The following RBMS3 variants were observed in gnomAD, a reference collection of about 807,000 sequenced individuals.
RBMS3 encodes the protein RNA-binding motif, single-stranded-interacting protein 3.
Under a neutral mutation model 66.8 loss-of-function variants are expected in RBMS3, and 27 were observed. That is an observed-to-expected ratio of 0.40 (90% CI 0.30 to 0.56). The LOEUF (loss-of-function observed/expected upper bound fraction) is 0.56. Among genes scored for constraint, RBMS3 ranks in the 20% least tolerant of loss-of-function variants. RBMS3 has a pLI of 0.40. For synonymous variants in RBMS3, 188 were observed against 183.0 expected, an observed-to-expected ratio of 1.03 and a Z score of -0.22; for missense variants, 513 against 549.5, an observed-to-expected ratio of 0.93 and a Z score of 0.66.
chr3:29,911,996 T>C (rs1489835573), intron 10 of RBMS3, among the ~76,000 whole-genome samples: 1 of 151,846 alleles, frequency 6.6e-6, no homozygotes, highest in African/African-American at 2.4e-5. Context: ...GATAGATAGA[T>C]AGATAGATAA....
chr3:29,394,782 C>G (rs1012748413), intron 1 of RBMS3, among the ~76,000 whole-genome samples: 1 of 152,168 alleles, frequency 6.6e-6, no homozygotes, highest in Admixed American at 6.6e-5. Flanking sequence ...AGGCACCCCC[C>G]TGTCTTTGAT....
intron 2 of RBMS3, among the ~76,000 whole-genome samples, chr3:29,448,098 A>AACACAGAACAATGTC (rs767543231): frequency 5.8e-4 from 89 of 152,368 alleles, no homozygotes; most frequent in East Asian, 2.9e-3. Flanking sequence ...GGTGACCTGC[A>AACACAGAACAATGTC]TGTCTCAACA....
In RBMS3 at chr3:29,331,027, C is replaced by G. The variant is rs544557977; in HGVS notation, c.75+49271C>G. Among the ~76,000 whole-genome samples, 4 of 152,226 alleles carry G rather than the reference C, an allele frequency of 2.6e-5. No homozygotes were observed. The East Asian group carries it at 7.7e-4, about 29-fold the overall frequency. On this transcript the variant is annotated intron_variant, in intron 1 of 14. Coordinates refer to ENST00000383767, the MANE Select transcript of RBMS3 (RefSeq NM_001003793.3). ...TAGGGGCTATGTTGGCATATTTGTG[C>G]TGGTGCTGGGACAAGAGCATTGGCT...
At chr3:29,833,211 TG>T (rs747735170) in intron 6 of RBMS3, among the ~76,000 whole-genome samples, 28 of 152,278 alleles carry the variant, frequency 1.8e-4, no homozygotes, top group Non-Finnish European at 3.8e-4. Flanking sequence ...AGGAGATAAC[TG>T]CTTCTTCAAA....
At chr3:29,342,698 T>C (rs969065777) in intron 1 of RBMS3, among the ~76,000 whole-genome samples, 1 of 152,196 alleles carries the variant, frequency 6.6e-6, no homozygotes, top group Non-Finnish European at 1.5e-5. Flanking sequence ...TTACTTCTAC[T>C]TCGATCAATT....
intron 6 of RBMS3, among the ~76,000 whole-genome samples, chr3:29,841,371 G>A (rs775366113): frequency 7.2e-5 from 11 of 151,762 alleles, no homozygotes; most frequent in East Asian, 1.9e-4. Context: ...TCTTTTCTAC[G>A]TTTTTTATTA....
At position 29,549,396 on chromosome 3, in the gene RBMS3, G is replaced by T. The variant is rs1000761377; in HGVS notation, c.308-37718G>T. On this transcript the variant is annotated intron_variant, in intron 3 of 14. Transcript: ENST00000383767. ...CAAAGAAAACAAATACAATTGGATTGATTTTTTTTTTTTTTTTTTCTGAGA... is the reference window on the plus strand; with the variant it reads ...CAAAGAAAACAAATACAATTGGATTTATTTTTTTTTTTTTTTTTTCTGAGA... Among the ~76,000 whole-genome samples the T allele has an allele frequency of 4.2e-5, 6 of 142,368 alleles. No individual in the cohort carries two copies. In the Admixed American group the frequency reaches 4.3e-4, roughly 10 times the overall value. 93.4% of individuals were successfully genotyped at this position (142,368 alleles called of 152,430 possible). A position where few individuals can be genotyped will look rare whatever the true frequency, so the allele number is the denominator to read the frequency against.
intron 4 of RBMS3, among the ~76,000 whole-genome samples, chr3:29,716,170 C>A (rs1165308794): frequency 6.6e-6 from 1 of 152,040 alleles, no homozygotes; most frequent in African/African-American, 2.4e-5. Flanking sequence ...AGAGAAATAC[C>A]TAAAACACAT....
rs1049745401 is a variant in RBMS3, at chr3:29,877,196, A to T, written c.745-6966A>T. ...ACAAACATTTGGGAATCACCAGGAA[A>T]TAAATAATAGTTGGGATAAGAAAGT... On this transcript the variant is annotated intron_variant, in intron 7 of 14. Coordinates refer to ENST00000383767, the MANE Select transcript of RBMS3 (RefSeq NM_001003793.3). 2.0e-5 allele frequency among the ~76,000 whole-genome samples: 3 copies of T among 152,310 alleles called. No individual in the cohort carries two copies. The East Asian group carries it at 5.8e-4, about 29-fold the overall frequency.
chr3:29,761,238 G>A (rs17616356), intron 5 of RBMS3, among the ~76,000 whole-genome samples: 72,323 of 151,852 alleles, frequency 0.48, 17,832 homozygotes, highest in African/African-American at 0.6. Flanking sequence ...CATATCCATC[G>A]ATACAGAAAG....
At chr3:29,443,772 A>G (rs925481097) in intron 2 of RBMS3, among the ~76,000 whole-genome samples, 2 of 152,136 alleles carry the variant, frequency 1.3e-5, no homozygotes, top group Non-Finnish European at 2.9e-5. Flanking sequence ...ACAATGGTAG[A>G]GGAGGTTAAG....
chr3:30,008,587 G>C lies in RBMS3; in HGVS notation c.*4725G>C, dbSNP rs929058480. ...TCAAAATTTTGAGCTTACTGGGACT[G>C]ACAGCCTCTCACTTCAATCTGAGGG... On this transcript the variant is annotated 3_prime_UTR_variant, in exon 15 of 15. Coordinates refer to ENST00000383767, the MANE Select transcript of RBMS3 (RefSeq NM_001003793.3). 1 of 152,022 alleles carries C rather than the reference G, an allele frequency of 6.6e-6. No individual in the cohort carries two copies. Among genetic ancestry groups the C allele is most frequent in the Non-Finnish European group, 1.5e-5 (1 of 67,950 alleles). The allele number at this position is 152,022 out of a possible 1,614,324, so 9.4% of individuals were successfully genotyped here. A position where few individuals can be genotyped will look rare whatever the true frequency, so the allele number is the denominator to read the frequency against.
intron 10 of RBMS3, among the ~76,000 whole-genome samples, chr3:29,922,598 C>A (rs1214802623): frequency 6.6e-6 from 1 of 151,436 alleles, no homozygotes; most frequent in African/African-American, 2.4e-5. Context: ...ACCAAAATAT[C>A]TTTTAAAAAG....
At chr3:29,410,399 G>A (rs1288485510) in intron 1 of RBMS3, among the ~76,000 whole-genome samples, 1 of 152,172 alleles carries the variant, frequency 6.6e-6, no homozygotes, top group Non-Finnish European at 1.5e-5. Context: ...CTGTGTCACT[G>A]ACAGCTAGTA....
chr3:29,451,881 G>A (rs1396149324), intron 2 of RBMS3, among the ~76,000 whole-genome samples: 1 of 152,206 alleles, frequency 6.6e-6, no homozygotes, highest in Non-Finnish European at 1.5e-5. Context: ...TGTGAATCGT[G>A]TGAACAAATC....
At chr3:29,798,318 A>AGGGGG (rs2057276199) in intron 6 of RBMS3, among the ~76,000 whole-genome samples, 1 of 61,756 alleles carries the variant, frequency 1.6e-5, no homozygotes, top group Non-Finnish European at 2.9e-5. Context: ...AGGGAGGGGA[A>AGGGGG]GGGAAGGGAG....
chr3:29,458,164 C>T (rs963720375), intron 2 of RBMS3, among the ~76,000 whole-genome samples: 4 of 152,116 alleles, frequency 2.6e-5, no homozygotes, highest in Admixed American at 2.6e-4. Flanking sequence ...CTGTAAGTTT[C>T]TTGCAGATGA....
intron 4 of RBMS3, among the ~76,000 whole-genome samples, chr3:29,617,832 T>C (rs1353005425): frequency 2.6e-5 from 4 of 152,190 alleles, no homozygotes; most frequent in African/African-American, 7.2e-5. Context: ...TTTATTATGA[T>C]TTAAAAACTG....
chr3:29,281,401 G>A lies in RBMS3; in HGVS notation c.-281G>A, dbSNP rs1422745081. ...ACTGCCTCATCCCAAGTGGACCCCG[G>A]CAGCTGGGGGAAGCCAGGCAAGATC... On this transcript the variant is annotated 5_prime_UTR_variant, in exon 1 of 15. Transcript: ENST00000383767. 9 of 480,692 alleles carry A rather than the reference G, an allele frequency of 1.9e-5. No homozygotes were observed. The highest frequency in any genetic ancestry group is 2.9e-5 in the Non-Finnish European group (8 of 273,588). 29.8% of individuals were successfully genotyped at this position (480,692 alleles called of 1,614,324 possible).
Sources: allele counts gnomAD v4.1 joint callset (sites outside exome capture counted in the v4.1 genomes callset), GRCh38; gene constraint gnomAD v4.1.1; transcripts MANE v1.5; gene names NCBI Gene and HGNC (gene_info 2026-07-23, HGNC 2026-07-21).